Variants in PSIP1 observed in about 807,000 individuals in gnomAD.
PSIP1 encodes the protein PC4 and SRSF1 interacting protein 1.
Under a neutral mutation model 74.7 loss-of-function variants are expected in PSIP1, and 19 were observed. The observed-to-expected ratio is 0.25, with a 90% CI of 0.18 to 0.37. The LOEUF (loss-of-function observed/expected upper bound fraction) is 0.37. PSIP1 is among the 10% of genes least tolerant of loss of function. The probability of loss-of-function intolerance (pLI) is 1.00; values close to 1 mark genes in which losing one functional copy is unlikely to be tolerated. For missense variants in PSIP1, 601 were observed against 614.3 expected, an observed-to-expected ratio of 0.98 and a Z score of 0.23; for synonymous variants, 222 against 195.3, an observed-to-expected ratio of 1.14 and a Z score of -1.14.
intron 6 of PSIP1, among the ~76,000 whole-genome samples, chr9:15,484,454 C>G (rs1199138648): frequency 6.6e-6 from 1 of 151,802 alleles, no homozygotes; most frequent in East Asian, 1.9e-4. Context: ...CAAAAATTAG[C>G]TGGGCGTGGT....
Position 15,465,565 on chromosome 9 carries a change from C to G in PSIP1, c.1548G>C (p.Glu516Asp), listed in dbSNP as rs1264627724. 9 of 1,585,194 alleles carry G rather than the reference C, an allele frequency of 5.7e-6. No homozygotes were observed. Among genetic ancestry groups the G allele is most frequent in the Non-Finnish European group, 7.8e-6 (9 of 1,157,470 alleles). ...ASTKKKPSSE[E>D]RETEISLKDS... ...CCTTCAGAGATATTTCAGTCTCTCT[C>G]TCTTCACTGGATGGCCTGAAGAAAA... Residue 516 changes from glutamate (E) to aspartate (D), a missense_variant, in exon 16 of 16, where the codon GAG (glutamate) becomes GAC (aspartate). By Grantham distance (45) the Glu-to-Asp change is conservative. Coordinates refer to ENST00000380733, the MANE Select transcript of PSIP1 (RefSeq NM_033222.5).
At chr9:15,470,081 C>A (rs538592489) in intron 10 of PSIP1, 88 bp from the exon 11 acceptor site, 1 of 1,087,902 alleles carries the variant, frequency 9.2e-7, no homozygotes, top group Non-Finnish European at 1.4e-6. Context: ...AAAATGTTTT[C>A]CTTAAAATAA....
In PSIP1 at chr9:15,507,534, G is replaced by C. The variant is rs77520375; in HGVS notation, c.73-897C>G. On this transcript the variant is annotated intron_variant, in intron 2 of 15. Coordinates refer to ENST00000380733, the MANE Select transcript of PSIP1 (RefSeq NM_033222.5). ...ACGGTGTCAGGTGCCTGTAATCTCA[G>C]CCACTCCAGAGGCGAATCACTTGAA... Among the ~76,000 whole-genome samples the C allele has an allele frequency of 3.1e-3, 477 of 152,078 alleles. 4 individuals carry two copies. Among genetic ancestry groups the C allele is most frequent in the African/African-American group, 0.011 (462 of 41,448 alleles).
chr9:15,474,101 C>G lies in PSIP1; in HGVS notation c.766G>C (p.Glu256Gln). 6.2e-7 allele frequency: 1 copy of G among 1,613,514 alleles called. No individual in the cohort carries two copies. Among genetic ancestry groups the G allele is most frequent in the Non-Finnish European group, 8.5e-7 (1 of 1,179,772 alleles). ...AAATTTTTCCTTTTTGATTCAACTT[C>G]TTTCTTCCCCTCTTTTTTATCCGGC... ...KEPDKKEGKKEVESKRKNLAK... is the reference protein window; with the variant it reads ...KEPDKKEGKKQVESKRKNLAK... Residue 256 changes from glutamate (E) to glutamine (Q), a missense_variant, in exon 9 of 16, where the codon GAA becomes CAA. Coordinates refer to ENST00000380733, the MANE Select transcript of PSIP1 (RefSeq NM_033222.5).
At chr9:15,503,048 A>T in intron 3 of PSIP1, among the ~76,000 whole-genome samples, 1 of 152,208 alleles carries the variant, frequency 6.6e-6, no homozygotes. Context: ...AGACTACTAA[A>T]CTATTTATGC....
intron 10 of PSIP1, among the ~76,000 whole-genome samples, chr9:15,470,215 A>T (rs1031807898): frequency 4.6e-5 from 7 of 152,202 alleles, no homozygotes; most frequent in African/African-American, 1.7e-4. Flanking sequence ...TTTCAGTGAC[A>T]TCACAAATAG....
chr9:15,499,349 T>C (rs779035601), intron 3 of PSIP1, among the ~76,000 whole-genome samples: 5 of 152,218 alleles, frequency 3.3e-5, no homozygotes, highest in Non-Finnish European at 7.3e-5. Context: ...AATCATTAAC[T>C]GAATTCAATA....
chr9:15,489,941 C>T (rs2036748059), intron 4 of PSIP1, 45 bp downstream of exon 4: 2 of 1,406,236 alleles, frequency 1.4e-6, no homozygotes, highest in Non-Finnish European at 9.5e-7. Context: ...TGATTATTCC[C>T]CAGGATTAAA....
intron 14 of PSIP1, among the ~76,000 whole-genome samples, chr9:15,467,295 G>A: frequency 6.6e-6 from 1 of 152,086 alleles, no homozygotes; most frequent in South Asian, 2.1e-4. Context: ...TTTCCTAATT[G>A]ATATTTTTGT....
At chr9:15,496,112 T>A (rs116160538) in intron 3 of PSIP1, among the ~76,000 whole-genome samples, 1,991 of 152,312 alleles carry the variant, frequency 0.013, 42 homozygotes, top group African/African-American at 0.045. Context: ...GCTTTAAAAG[T>A]GACATTATAT....
At chr9:15,505,423 T>A (rs1442045169) in intron 3 of PSIP1, 1 of 152,192 alleles carries the variant, frequency 6.6e-6, no homozygotes. Context: ...TATCACTTCT[T>A]AAAAATTATA....
At chr9:15,471,660 C>CTCCCTCAAGGAGCTAA in intron 10 of PSIP1, 1 of 929,878 alleles carries the variant, frequency 1.1e-6, no homozygotes, top group Non-Finnish European at 1.3e-6. Flanking sequence ...ATTTAAATTA[C>CTCCCTCAAGGAGCTAA]TCCCTCAAGG....
intron 3 of PSIP1, 130 bp downstream of exon 3, chr9:15,506,431 A>G: frequency 1.7e-6 from 1 of 603,742 alleles, no homozygotes; most frequent in East Asian, 2.6e-5. Flanking sequence ...AGAGACTTAA[A>G]GACTCTTTCC....
In PSIP1 at chr9:15,478,568, A is replaced by G; in HGVS notation, c.554-16T>C. 3.3e-6 allele frequency: 5 copies of G among 1,520,794 alleles called. No homozygotes were observed. The highest frequency in any genetic ancestry group is 4.6e-6 in the Non-Finnish European group (5 of 1,097,294). The allele number at this position is 1,520,794 out of a possible 1,614,324, so 94.2% of individuals were successfully genotyped here. A position where few individuals can be genotyped will look rare whatever the true frequency, so the allele number is the denominator to read the frequency against. On this transcript the variant is annotated splice_polypyrimidine_tract_variant and intron_variant, in intron 7 of 15. Transcript: ENST00000380733. ...ACTTCTGTAGCTAATATACACATGG[A>G]AAAAAAATCAGTAACTACTAGTTTC...
intron 4 of PSIP1, among the ~76,000 whole-genome samples, chr9:15,487,295 A>G (rs868202531): frequency 6.6e-6 from 1 of 152,088 alleles, no homozygotes; most frequent in African/African-American, 2.4e-5. Flanking sequence ...AAATGATCCA[A>G]GAGAAATTAC....
intron 14 of PSIP1, among the ~76,000 whole-genome samples, chr9:15,467,187 TG>T (rs1479000678): frequency 6.6e-6 from 1 of 152,196 alleles, no homozygotes; most frequent in Non-Finnish European, 1.5e-5. Context: ...TACTACAGGG[TG>T]TTGTAATTCT....
intron 3 of PSIP1, among the ~76,000 whole-genome samples, chr9:15,497,615 G>A (rs149402312): frequency 0.011 from 1,651 of 151,994 alleles, 11 homozygotes; most frequent in Middle Eastern, 0.041. Context: ...GTGAGCCACC[G>A]CGCCCGGCTG....
intron 6 of PSIP1, among the ~76,000 whole-genome samples, chr9:15,481,463 T>C (rs2036331921): frequency 6.6e-6 from 1 of 152,180 alleles, no homozygotes; most frequent in African/African-American, 2.4e-5. Flanking sequence ...TTTGGGAGGC[T>C]GGGGCTAGCA....
At chr9:15,501,715 C>T (rs12336503) in intron 3 of PSIP1, among the ~76,000 whole-genome samples, 37,807 of 151,026 alleles carry the variant, frequency 0.25, 8,479 homozygotes, top group African/African-American at 0.61. Context: ...CATGATCTGA[C>T]TGAGATATAA....
Sources: gnomAD v4.1 joint callset for allele counts (sites outside exome capture counted in the v4.1 genomes callset) on GRCh38, gnomAD v4.1.1 for gene constraint, MANE v1.5 for transcripts, NCBI Gene and HGNC (gene_info 2026-07-23, HGNC 2026-07-21) for gene names.